DLG5: variants seen among roughly 807,000 people sequenced by gnomAD.
DLG5 encodes disks large homolog 5.
DLG5 carries 48 observed loss-of-function variants against 189.8 expected under a neutral mutation model. That is an observed-to-expected ratio of 0.25 (90% CI 0.20 to 0.32). The LOEUF (loss-of-function observed/expected upper bound fraction) is 0.32, where lower values mean the gene tolerates loss of function less well. DLG5 is among the 10% of genes least tolerant of loss of function. The probability of loss-of-function intolerance (pLI) is 1.00; values close to 1 mark genes in which losing one functional copy is unlikely to be tolerated. For synonymous variants in DLG5, 1,016 were observed against 1,054.1 expected, an observed-to-expected ratio of 0.96 and a Z score of 0.70; for missense variants, 2,160 against 2,544.7, an observed-to-expected ratio of 0.85 and a Z score of 3.25.
rs140025014 is a variant in DLG5, at chr10:77,817,068, C to T, written c.3813G>A (p.Ala1271=). Residue 1271 remains alanine, a synonymous_variant, in exon 19 of 32, where the codon GCG becomes GCA. Transcript: ENST00000372391. ...LGSSSNLQFK[A]ERIKIPSTPR... ...GTGTTGATGGGATTTTAATGCGTTCCGCCTTGAACTGCAAGTTACTCGAAG... is the reference window on the plus strand; with the variant it reads ...GTGTTGATGGGATTTTAATGCGTTCTGCCTTGAACTGCAAGTTACTCGAAG... 2.7e-3 allele frequency: 4,364 copies of T among 1,614,154 alleles called. 42 individuals are homozygous for T. The highest frequency in any genetic ancestry group is 0.02 in the South Asian group (1,787 of 91,074).
rs188401516 is a variant in DLG5, at chr10:77,885,862, G to T, written c.305-16665C>A. Among the ~76,000 whole-genome samples, 45 of 152,354 alleles carry T rather than the reference G, an allele frequency of 3.0e-4. No homozygotes were observed. The East Asian group carries it at 8.5e-3, about 29-fold the overall frequency. ...CAGGTCACACAGCAAGCTGGTGCCA[G>T]TGCCAGGAGTGAAACAAGCCCACAA... On this transcript the variant is annotated intron_variant, in intron 1 of 31. Transcript: ENST00000372391.
intron 9 of DLG5, 110 bp from the exon 10 acceptor site, chr10:77,830,983 C>A: frequency 7.8e-7 from 1 of 1,286,022 alleles, no homozygotes; most frequent in South Asian, 1.6e-5. Context: ...AAAATGGGTT[C>A]CTTTCCCCCT....
intron 1 of DLG5, among the ~76,000 whole-genome samples, chr10:77,879,540 T>C (rs1439705490): frequency 6.6e-6 from 1 of 151,698 alleles, no homozygotes; most frequent in African/African-American, 2.4e-5. Flanking sequence ...GACAGCAAAC[T>C]CGCAAGTCCA....
intron 1 of DLG5, among the ~76,000 whole-genome samples, chr10:77,913,253 A>T (rs1846274636): frequency 6.6e-6 from 1 of 152,136 alleles, no homozygotes; most frequent in Non-Finnish European, 1.5e-5. Context: ...AATCATTTTT[A>T]AAAGTTCTTC....
At chr10:77,861,480 G>C (rs548632602) in intron 2 of DLG5, among the ~76,000 whole-genome samples, 1 of 152,310 alleles carries the variant, frequency 6.6e-6, no homozygotes, top group African/African-American at 2.4e-5. Context: ...GAGGCGGCAG[G>C]ACAGAAGGAG....
intron 1 of DLG5, among the ~76,000 whole-genome samples, chr10:77,878,065 C>G (rs1292526170): frequency 1.3e-5 from 2 of 152,202 alleles, no homozygotes; most frequent in Admixed American, 1.3e-4. Flanking sequence ...AGGCACCGGG[C>G]ACCCCCGGCT....
intron 13 of DLG5, 160 bp from the exon 14 acceptor site, chr10:77,824,636 A>T (rs1842525894): frequency 3.4e-6 from 2 of 596,006 alleles, no homozygotes; most frequent in Non-Finnish European, 5.9e-6. Context: ...GGTGAGGCCC[A>T]AGGAGTCCAA....
At chr10:77,838,385 C>T (rs974532593) in intron 7 of DLG5, among the ~76,000 whole-genome samples, 2 of 152,246 alleles carry the variant, frequency 1.3e-5, no homozygotes, top group African/African-American at 2.4e-5. Flanking sequence ...GAGACTTCCC[C>T]GGACAAGGTC....
chr10:77,864,844 C>T (rs1296292665), intron 2 of DLG5, among the ~76,000 whole-genome samples: 1 of 152,222 alleles, frequency 6.6e-6, no homozygotes, highest in Non-Finnish European at 1.5e-5. Flanking sequence ...CAGCGTTTCC[C>T]CAGCTTGGAG....
intron 20 of DLG5, among the ~76,000 whole-genome samples, chr10:77,814,635 C>T (rs534990157): frequency 2.6e-5 from 4 of 151,618 alleles, no homozygotes; most frequent in South Asian, 2.1e-4. Context: ...AGTGCAGTGG[C>T]GCAATCTCAG....
chr10:77,838,236 CG>C, intron 7 of DLG5, among the ~76,000 whole-genome samples: 1 of 152,158 alleles, frequency 6.6e-6, no homozygotes, highest in East Asian at 1.9e-4. Context: ...CTTCTACAGA[CG>C]GAACTCGGTG....
At position 77,923,204 on chromosome 10, in the gene DLG5, G is replaced by A. The variant is rs73302952; in HGVS notation, c.304+3013C>T. ...CCAGCTGGTTCCTCTCTCAGGCTCC[G>A]CAATGGCCTCGAACTGAGGCCAATT... is the stretch of plus-strand genomic sequence containing the variant. On this transcript the variant is annotated intron_variant, in intron 1 of 31. Coordinates refer to ENST00000372391, the MANE Select transcript of DLG5 (RefSeq NM_004747.4). Among the ~76,000 whole-genome samples the A allele has an allele frequency of 2.9e-3, 436 of 152,298 alleles. 1 individual carries two copies. The highest frequency in any genetic ancestry group is 8.7e-3 in the African/African-American group (361 of 41,574).
At chr10:77,795,800 A>AC (rs1274669811) in intron 29 of DLG5, among the ~76,000 whole-genome samples, 1 of 150,844 alleles carries the variant, frequency 6.6e-6, no homozygotes, top group African/African-American at 2.4e-5. Flanking sequence ...CAGAGATGAG[A>AC]CCCCCCGCAC....
At chr10:77,919,497 G>T (rs1334319956) in intron 1 of DLG5, among the ~76,000 whole-genome samples, 1 of 149,356 alleles carries the variant, frequency 6.7e-6, no homozygotes, top group Admixed American at 6.7e-5. Flanking sequence ...GTTGAACTGG[G>T]GGAAAAAAAA....
intron 1 of DLG5, among the ~76,000 whole-genome samples, chr10:77,901,293 A>G (rs746216483): frequency 1.4e-4 from 22 of 152,178 alleles, no homozygotes; most frequent in African/African-American, 3.9e-4. Context: ...GTTTACTTGA[A>G]GAAGTGAATA....
intron 23 of DLG5, 98 bp from the exon 24 acceptor site, chr10:77,809,828 T>C: frequency 7.1e-7 from 1 of 1,409,914 alleles, no homozygotes; most frequent in Admixed American, 2.1e-5. Context: ...TGCCTGCTTC[T>C]TGGGGTCTCA....
At chr10:77,842,414 G>A (rs1344342004) in intron 6 of DLG5, among the ~76,000 whole-genome samples, 1 of 152,206 alleles carries the variant, frequency 6.6e-6, no homozygotes. Context: ...GAGTTGAACT[G>A]AGGACTTCAT....
intron 12 of DLG5, 51 bp from the exon 13 acceptor site, chr10:77,829,036 C>G: frequency 1.3e-6 from 2 of 1,563,344 alleles, no homozygotes; most frequent in Non-Finnish European, 1.8e-6. Flanking sequence ...CTGCCCAGCC[C>G]TGGGTCACCC....
At chr10:77,931,099 T>A (rs1320022189), upstream of DLG5, among the ~76,000 whole-genome samples, 2 of 151,176 alleles carry the variant, frequency 1.3e-5, no homozygotes, top group African/African-American at 4.9e-5. Context: ...GGATTACAGG[T>A]GTGAGCCACC....
Sources: gnomAD v4.1 joint callset for allele counts (sites outside exome capture counted in the v4.1 genomes callset) on GRCh38, gnomAD v4.1.1 for gene constraint, MANE v1.5 for transcripts, NCBI Gene and HGNC (gene_info 2026-07-23, HGNC 2026-07-21) for gene names.